The following FBLN7 variants were observed in gnomAD, a reference collection of about 807,000 sequenced individuals.
FBLN7 encodes fibulin 7.
A neutral mutation model predicts 44.0 loss-of-function variants in FBLN7; 31 were observed. The observed-to-expected ratio is 0.70, with a 90% confidence interval of 0.53 to 0.95. The LOEUF (loss-of-function observed/expected upper bound fraction) is 0.95, where lower values mean the gene tolerates loss of function less well. Ranked by LOEUF, FBLN7 falls within the 40% of genes least tolerant of loss-of-function variation. The probability of loss-of-function intolerance (pLI) is 0.00; values close to 1 mark genes in which losing one functional copy is unlikely to be tolerated. For missense variants in FBLN7, 573 were observed against 618.5 expected, an observed-to-expected ratio of 0.93 and a Z score of 0.78; for synonymous variants, 262 against 253.4, an observed-to-expected ratio of 1.03 and a Z score of -0.32.
downstream of FBLN7, chr2:112,190,192 G>T (rs1289780138): frequency 6.6e-6 from 1 of 152,104 alleles, no homozygotes; most frequent in African/African-American, 2.4e-5. Context: ...GATTTATTTA[G>T]GCAAGACTAC....
the FBLN7 span, among the ~76,000 whole-genome samples, chr2:112,241,242 T>G: frequency 1.3e-4 from 20 of 152,136 alleles, 1 homozygote; most frequent in African/African-American, 4.8e-4. Flanking sequence ...CCAGGTACTT[T>G]CCCTAGGAAA....
At chr2:112,171,931 T>A (rs1682486098) in intron 3 of FBLN7, among the ~76,000 whole-genome samples, 1 of 152,144 alleles carries the variant, frequency 6.6e-6, no homozygotes, top group South Asian at 2.1e-4. Context: ...GTATTTTTAG[T>A]AAAGACAGGG....
the FBLN7 span, among the ~76,000 whole-genome samples, chr2:112,208,128 G>C: frequency 6.6e-6 from 1 of 151,448 alleles, no homozygotes; most frequent in Non-Finnish European, 1.5e-5. Context: ...GGCTGGAGGT[G>C]GTGGCTCACA....
intron 2 of FBLN7, 75 bp downstream of exon 2, chr2:112,159,910 A>G: frequency 7.6e-7 from 1 of 1,322,850 alleles, no homozygotes. Flanking sequence ...TCCCAGCTGG[A>G]GGCCCCTCGT....
At chr2:112,151,111 G>C (rs1573770559) in intron 1 of FBLN7, among the ~76,000 whole-genome samples, 2 of 152,278 alleles carry the variant, frequency 1.3e-5, no homozygotes, top group East Asian at 3.9e-4. Context: ...CCCCAAGGTG[G>C]GTGTAGCCTG....
At chr2:112,185,843 T>C (rs1683243311) in intron 7 of FBLN7, among the ~76,000 whole-genome samples, 1 of 151,786 alleles carries the variant, frequency 6.6e-6, no homozygotes, top group Admixed American at 6.6e-5. Flanking sequence ...ATCTAGTAAC[T>C]GCAACTCTTA....
chr2:112,179,155 C>A (rs192280133), intron 4 of FBLN7, among the ~76,000 whole-genome samples: 15 of 152,258 alleles, frequency 9.9e-5, no homozygotes, highest in Admixed American at 7.2e-4. Flanking sequence ...GATACAAAAT[C>A]AATGTAGAAA....
the FBLN7 span, chr2:112,238,496 C>T: frequency 3.2e-5 from 51 of 1,611,390 alleles, no homozygotes; most frequent in South Asian, 1.4e-4. Flanking sequence ...TTCTATGCAG[C>T]GAACTTTTTG....
At chr2:112,223,969 C>T in the FBLN7 span, among the ~76,000 whole-genome samples, 3 of 152,034 alleles carry the variant, frequency 2.0e-5, no homozygotes, top group Non-Finnish European at 4.4e-5. Context: ...ATGGTGAAAC[C>T]CCATCTCAAC....
chr2:112,239,290 G>A, the FBLN7 span, among the ~76,000 whole-genome samples: 6 of 152,108 alleles, frequency 3.9e-5, no homozygotes, highest in Non-Finnish European at 8.8e-5. Flanking sequence ...TGGTGACACA[G>A]GTATATTAAA....
intron 3 of FBLN7, among the ~76,000 whole-genome samples, chr2:112,173,999 A>G (rs910384588): frequency 4.6e-5 from 7 of 152,250 alleles, no homozygotes; most frequent in Non-Finnish European, 8.8e-5. Flanking sequence ...CACATGGTTC[A>G]GGTACAGATC....
chr2:112,216,048 C>A, the FBLN7 span: 3 of 152,130 alleles, frequency 2.0e-5, no homozygotes, highest in Admixed American at 6.5e-5. Context: ...ATAAAGAGAA[C>A]TAACTCTGTT....
rs778495515 is a variant in FBLN7 at position 112,159,706 on chromosome 2, G to T, written c.106G>T (p.Ala36Ser). 1 of 1,577,548 alleles carries T rather than the reference G, an allele frequency of 6.3e-7. No individual in the cohort carries two copies. Among genetic ancestry groups the T allele is most frequent in the South Asian group, 1.1e-5 (1 of 87,162 alleles). The change falls in exon 2 of 8, where the codon GCC becomes TCC. Residue 36 changes from alanine to serine, a missense_variant. Ala to Ser is a moderately conservative substitution (Grantham distance 99). Transcript: ENST00000331203. Reference sequence around the variant, plus strand: ...TCTCAGCAAACAGCAGCTCCTCTCGGCCATCCGCCAGCTGCAGCAGCTGCT... The same window carrying T: ...TCTCAGCAAACAGCAGCTCCTCTCGTCCATCCGCCAGCTGCAGCAGCTGCT... ...NCLSKQQLLS[A>S]IRQLQQLLKG...
At chr2:112,219,213 G>C in the FBLN7 span, among the ~76,000 whole-genome samples, 1 of 152,128 alleles carries the variant, frequency 6.6e-6, no homozygotes, top group Admixed American at 6.6e-5. Context: ...AATCAAAACA[G>C]TGTGCTAACA....
In FBLN7 at chr2:112,150,084, G is replaced by A. The variant is rs527889223; in HGVS notation, c.76-9592G>A. Among the ~76,000 whole-genome samples the A allele has an allele frequency of 7.3e-4, 111 of 152,324 alleles. 1 individual carries two copies. Among genetic ancestry groups the A allele is most frequent in the African/African-American group, 2.6e-3 (109 of 41,568 alleles). ...AAGTCCCCGAGCCACCCTTGGCCCC[G>A]TTCTTGCCATCTGGTTGGCCACTAT... On this transcript the variant is annotated intron_variant, in intron 1 of 7. Transcript: ENST00000331203.
At chr2:112,172,881 G>A (rs563132114) in intron 3 of FBLN7, among the ~76,000 whole-genome samples, 31 of 152,126 alleles carry the variant, frequency 2.0e-4, no homozygotes, top group African/African-American at 3.9e-4. Context: ...TGATCCACCC[G>A]CCTCAACCTC....
intron 6 of FBLN7, among the ~76,000 whole-genome samples, chr2:112,184,643 A>G (rs1683158501): frequency 1.2e-5 from 1 of 85,454 alleles, no homozygotes; most frequent in East Asian, 3.1e-4. Flanking sequence ...GTGTGTATAT[A>G]TAGTATATAT....
chr2:112,232,116 C>T, the FBLN7 span, among the ~76,000 whole-genome samples: 24 of 152,040 alleles, frequency 1.6e-4, no homozygotes, highest in Non-Finnish European at 2.6e-4. Flanking sequence ...TCAAGACCAA[C>T]CTAGCCAACA....
At chr2:112,231,753 CTTAA>C in the FBLN7 span, 62 of 780,040 alleles carry the variant, frequency 7.9e-5, no homozygotes, top group Non-Finnish European at 1.1e-4. Context: ...AGGCACTCTC[CTTAA>C]TTATCTTCAA....
Sources: gnomAD v4.1 joint callset for allele counts (sites outside exome capture counted in the v4.1 genomes callset) on GRCh38, gnomAD v4.1.1 for gene constraint, MANE v1.5 for transcripts, NCBI Gene and HGNC (gene_info 2026-07-23, HGNC 2026-07-21) for gene names.